Variants in CASK observed in about 807,000 individuals in gnomAD.
CASK encodes peripheral plasma membrane protein CASK.
Under a neutral mutation model 82.9 loss-of-function variants are expected in CASK, and 4 were observed. That is an observed-to-expected ratio of 0.05 (90% confidence interval 0.02 to 0.11). The LOEUF is 0.11. Ranked by LOEUF, CASK falls within the 10% of genes least tolerant of loss-of-function variation. The pLI is 1.00. For synonymous variants in CASK, 259 were observed against 253.5 expected, an observed-to-expected ratio of 1.02 and a Z score of -0.20; for missense variants, 358 against 720.9, an observed-to-expected ratio of 0.50 and a Z score of 5.76.
chrX:41,825,567 CAAT>C (rs1256559757), intron 2 of CASK, among the ~76,000 whole-genome samples: 1 of 112,076 alleles, frequency 8.9e-6, no homozygotes, highest in Non-Finnish European at 1.9e-5. Flanking sequence ...GTTAATCCAT[CAAT>C]ATCTGCCTAT....
chrX:41,538,512 G>A (rs1191684378), intron 22 of CASK, among the ~76,000 whole-genome samples: 1 of 111,679 alleles, frequency 9.0e-6, no homozygotes, highest in African/African-American at 3.3e-5. Context: ...AATGCTTTTT[G>A]TACCAAGTAT....
rs1174825680 is a variant in CASK, at chrX:41,536,481, T to C, written c.2156-1508A>G. On this transcript the variant is annotated intron_variant, in intron 22 of 26. Transcript: ENST00000378163. ...CCTAGAAACACTATGGCCAAATGAC[T>C]GTGAATATCACCTTAGTTCTTAACA... Among the ~76,000 whole-genome samples, 8 of 111,559 alleles carry C rather than the reference T, an allele frequency of 7.2e-5. No individual in the cohort carries two copies. The South Asian group carries it at 1.5e-3, about 21-fold the overall frequency.
At chrX:41,904,303 A>C (rs2072432964) in intron 1 of CASK, among the ~76,000 whole-genome samples, 1 of 112,056 alleles carries the variant, frequency 8.9e-6, no homozygotes, top group African/African-American at 3.2e-5. Flanking sequence ...AATATACATC[A>C]TTCTACTAGA....
In CASK at chrX:41,831,308, C is replaced by A. The variant is rs2070806625; in HGVS notation, c.172+21807G>T. 2.7e-5 allele frequency among the ~76,000 whole-genome samples: 3 copies of A among 111,747 alleles called. No homozygotes were observed. The South Asian group carries it at 1.1e-3, about 43-fold the overall frequency. ...CAAAAGACAGACCAACTTGGATTCA[C>A]CTGGCTCTACCACTTCCTGTGCATC... On this transcript the variant is annotated intron_variant, in intron 2 of 26. Coordinates refer to ENST00000378163, the MANE Select transcript of CASK (RefSeq NM_001367721.1).
intron 4 of CASK, among the ~76,000 whole-genome samples, chrX:41,742,315 GC>G (rs1272372285): frequency 3.6e-5 from 4 of 111,561 alleles, no homozygotes; most frequent in African/African-American, 1.3e-4. Context: ...CATTTCTGAG[GC>G]AGTAAGAAGT....
chrX:41,738,023 G>A (rs1220517651), intron 5 of CASK, among the ~76,000 whole-genome samples: 3 of 113,364 alleles, frequency 2.6e-5, no homozygotes, highest in African/African-American at 9.6e-5. Context: ...CGCCCAGGCT[G>A]GAGTGCAGTG....
chrX:41,743,764 A>G (rs1389392421), intron 4 of CASK: 5 of 295,062 alleles, frequency 1.7e-5, no homozygotes, highest in African/African-American at 2.7e-5. Context: ...ATGGTAAGAC[A>G]GAGGAAATCA....
chrX:41,808,253 A>G (rs1387160101), intron 2 of CASK, among the ~76,000 whole-genome samples: 1 of 112,035 alleles, frequency 8.9e-6, no homozygotes, highest in Non-Finnish European at 1.9e-5. Context: ...GCACATGGTG[A>G]TGATAAGCAA....
chrX:41,560,875 GA>G (rs1385443123), intron 17 of CASK, among the ~76,000 whole-genome samples: 9 of 108,985 alleles, frequency 8.3e-5, no homozygotes, highest in Admixed American at 2.0e-4. Context: ...TGGGCAACAA[GA>G]GCAAAACTCC....
rs781688583 is a variant in CASK, at chrX:41,848,147, C to G, written c.172+4968G>C. On this transcript the variant is annotated intron_variant, in intron 2 of 26. Coordinates refer to ENST00000378163, the MANE Select transcript of CASK (RefSeq NM_001367721.1). Reference sequence around the variant, plus strand: ...AGGCAGCAATGAAATTAAACAACTACCTCTAAAGGTTTTTGGCAAATGCCC... The same window carrying G: ...AGGCAGCAATGAAATTAAACAACTAGCTCTAAAGGTTTTTGGCAAATGCCC... Among the ~76,000 whole-genome samples, 41 of 112,414 alleles carry G rather than the reference C, an allele frequency of 3.6e-4. 1 individual carries two copies. Among genetic ancestry groups the G allele is most frequent in the Non-Finnish European group, 6.9e-4 (37 of 53,293 alleles).
At chrX:41,814,466 C>T (rs1313636476) in intron 2 of CASK, among the ~76,000 whole-genome samples, 1 of 110,036 alleles carries the variant, frequency 9.1e-6, no homozygotes, top group East Asian at 2.8e-4. Flanking sequence ...AGCTGGAAAC[C>T]ATCATTCTCA....
At chrX:41,626,522 G>A (rs2066378603) in intron 10 of CASK, 82 bp downstream of exon 10, 1 of 635,012 alleles carries the variant, frequency 1.6e-6, no homozygotes, top group African/African-American at 2.1e-5. Context: ...TAAATGCACA[G>A]GAAAAGTTTA....
At chrX:41,842,788 C>A (rs1028980918) in intron 2 of CASK, among the ~76,000 whole-genome samples, 2 of 111,394 alleles carry the variant, frequency 1.8e-5, no homozygotes, top group Non-Finnish European at 3.8e-5. Context: ...AATATTAAGT[C>A]TTCTAGTAGG....
At chrX:41,630,176 A>G (rs1271030132) in intron 9 of CASK, among the ~76,000 whole-genome samples, 1 of 112,349 alleles carries the variant, frequency 8.9e-6, no homozygotes, top group African/African-American at 3.2e-5. Flanking sequence ...TCATAATTAT[A>G]GTTTTCTTGA....
chrX:41,916,646 C>T (rs1053139284), intron 1 of CASK, among the ~76,000 whole-genome samples: 3 of 112,206 alleles, frequency 2.7e-5, no homozygotes, highest in Non-Finnish European at 5.6e-5. Flanking sequence ...ACAGACTCAG[C>T]GGCTGCAGCT....
chrX:41,843,118 C>T (rs906146262), intron 2 of CASK, among the ~76,000 whole-genome samples: 4 of 111,571 alleles, frequency 3.6e-5, no homozygotes. Context: ...CAATAGAGGG[C>T]ATTTTAAGTC....
chrX:41,763,651 G>C (rs2069050125), intron 3 of CASK, among the ~76,000 whole-genome samples: 2 of 111,353 alleles, frequency 1.8e-5, no homozygotes, highest in South Asian at 7.7e-4. Flanking sequence ...GACAGAGTGG[G>C]ACCCTGTCTC....
At chrX:41,920,977 C>T (rs1333421095) in intron 1 of CASK, among the ~76,000 whole-genome samples, 1 of 112,105 alleles carries the variant, frequency 8.9e-6, no homozygotes, top group African/African-American at 3.3e-5. Context: ...CCTAATTTAT[C>T]TTCACTGGGT....
chrX:41,621,464 AAGAGGACC>A (rs1007768586), intron 11 of CASK, among the ~76,000 whole-genome samples: 6 of 111,951 alleles, frequency 5.4e-5, no homozygotes, highest in Non-Finnish European at 1.1e-4. Flanking sequence ...CAGCCCTGTG[AAGAGGACC>A]ACAGCCAGTA....
Sources: gnomAD v4.1 joint callset for allele counts (sites outside exome capture counted in the v4.1 genomes callset) on GRCh38, gnomAD v4.1.1 for gene constraint, MANE v1.5 for transcripts, NCBI Gene and HGNC (gene_info 2026-07-23, HGNC 2026-07-21) for gene names.